The following TRIM9 variants were observed in gnomAD, a reference collection of about 807,000 sequenced individuals.
TRIM9 encodes the protein E3 ubiquitin-protein ligase TRIM9.
Under a neutral mutation model 78.3 loss-of-function variants are expected in TRIM9, and 26 were observed. The observed-to-expected ratio is 0.33, with a 90% CI of 0.24 to 0.46. The LOEUF (loss-of-function observed/expected upper bound fraction) is 0.46, where lower values mean the gene tolerates loss of function less well. Ranked by LOEUF, TRIM9 falls within the 20% of genes least tolerant of loss-of-function variation. The pLI is 1.00. For synonymous variants in TRIM9, 398 were observed against 416.5 expected, an observed-to-expected ratio of 0.96 and a Z score of 0.54; for missense variants, 787 against 1,036.4, an observed-to-expected ratio of 0.76 and a Z score of 3.30.
chr14:51,086,548 C>T (rs1596332726), intron 1 of TRIM9, among the ~76,000 whole-genome samples: 2 of 152,294 alleles, frequency 1.3e-5, no homozygotes, highest in Middle Eastern at 6.8e-3. Context: ...CTTTATCTAA[C>T]TTCTACTAAG....
intron 7 of TRIM9, among the ~76,000 whole-genome samples, chr14:50,987,596 T>G (rs566758492): frequency 6.6e-6 from 1 of 152,322 alleles, no homozygotes; most frequent in East Asian, 1.9e-4. Context: ...CTTAATATCA[T>G]GTATTATCAT....
chr14:50,982,211 C>T, intron 10 of TRIM9, 108 bp from the exon 11 acceptor site: 1 of 1,371,250 alleles, frequency 7.3e-7, no homozygotes, highest in Non-Finnish European at 1.0e-6. Flanking sequence ...TTCATGCTGC[C>T]ATGCAGGAAG....
At chr14:50,999,424 C>T (rs1332671716) in intron 6 of TRIM9, among the ~76,000 whole-genome samples, 1 of 151,926 alleles carries the variant, frequency 6.6e-6, no homozygotes, top group African/African-American at 2.4e-5. Context: ...ACCTGAGGCC[C>T]TTATCTTGGA....
intron 5 of TRIM9, among the ~76,000 whole-genome samples, chr14:51,003,486 T>C (rs2055354382): frequency 6.6e-6 from 1 of 152,232 alleles, no homozygotes; most frequent in African/African-American, 2.4e-5. Flanking sequence ...ACTTAAATCA[T>C]GCAAATGCTT....
chr14:51,002,268 C>T (rs1349165692), intron 5 of TRIM9, among the ~76,000 whole-genome samples: 1 of 150,944 alleles, frequency 6.6e-6, no homozygotes, highest in Non-Finnish European at 1.5e-5. Flanking sequence ...ACTACAGGCC[C>T]CTGCCACCAC....
At chr14:50,986,787 C>T (rs994338604) in intron 7 of TRIM9, among the ~76,000 whole-genome samples, 2 of 152,154 alleles carry the variant, frequency 1.3e-5, no homozygotes, top group Non-Finnish European at 2.9e-5. Context: ...TATGATCAGA[C>T]TCTAGGGATG....
At chr14:51,071,308 G>A (rs1596309121) in intron 1 of TRIM9, among the ~76,000 whole-genome samples, 1 of 151,014 alleles carries the variant, frequency 6.6e-6, no homozygotes, top group East Asian at 2.0e-4. Flanking sequence ...CCCGGGAGGT[G>A]GAGGTTGTGC....
Position 51,094,585 on chromosome 14 carries a change from G to C in TRIM9, c.355C>G (p.Pro119Ala). The C allele has an allele frequency of 6.2e-7, 1 of 1,611,378 alleles. No individual in the cohort carries two copies. Among genetic ancestry groups the C allele is most frequent in the Non-Finnish European group, 8.5e-7 (1 of 1,178,906 alleles). The stretch of plus-strand genomic sequence containing the variant: ...GTGATACAGGAGTTGCGGGGCACCG[G>C]GGCCAGGGCCGGTGACAAGTGGGTG... ...PATHLSPALA[P>A]VPRNSCITCP... The change falls in exon 1 of 13, where the codon CCG (proline) becomes GCG (alanine). Residue 119 changes from proline (P) to alanine (A), a missense_variant. Pro to Ala is a conservative substitution (Grantham distance 27). Coordinates refer to ENST00000684578, the MANE Select transcript of TRIM9 (RefSeq NM_001387360.1).
intron 12 of TRIM9, among the ~76,000 whole-genome samples, chr14:50,978,413 C>T (rs1566535822): frequency 6.6e-6 from 1 of 151,768 alleles, no homozygotes; most frequent in Non-Finnish European, 1.5e-5. Context: ...GCTCTGGTCC[C>T]CCTTCCAGGC....
chr14:51,046,199 T>G (rs61985047), intron 1 of TRIM9, among the ~76,000 whole-genome samples: 29,783 of 151,892 alleles, frequency 0.2, 3,294 homozygotes, highest in Non-Finnish European at 0.25. Context: ...GGGCTAGAGA[T>G]AAGTAGGTGT....
intron 1 of TRIM9, among the ~76,000 whole-genome samples, chr14:51,038,029 T>C (rs1042990641): frequency 7.9e-5 from 12 of 152,188 alleles, no homozygotes; most frequent in African/African-American, 2.9e-4. Flanking sequence ...GTAGGCAAAA[T>C]AATGGTCCTC....
At chr14:51,021,443 T>A (rs1166733853) in intron 3 of TRIM9, among the ~76,000 whole-genome samples, 1 of 152,152 alleles carries the variant, frequency 6.6e-6, no homozygotes, top group Non-Finnish European at 1.5e-5. Context: ...TGGGCACCTC[T>A]CTCCTGGAAG....
At chr14:51,064,862 CATA>C (rs1387703796) in intron 1 of TRIM9, among the ~76,000 whole-genome samples, 2 of 151,984 alleles carry the variant, frequency 1.3e-5, no homozygotes, top group African/African-American at 4.8e-5. Context: ...CATTATAAAT[CATA>C]ATAAATCATA....
At position 51,005,339 on chromosome 14, in the gene TRIM9, G is replaced by A. The variant is rs141369321; in HGVS notation, c.1306+3741C>T. ...AATAAAAATAAATACACCCTTAGGT[G>A]AGTAGAGGCACTTAAGGGGATTAAC... On this transcript the variant is annotated intron_variant, in intron 5 of 12. Coordinates refer to ENST00000684578, the MANE Select transcript of TRIM9 (RefSeq NM_001387360.1). Among the ~76,000 whole-genome samples, 699 of 152,290 alleles carry A rather than the reference G, an allele frequency of 4.6e-3. 10 individuals carry two copies. The highest frequency in any genetic ancestry group is 0.016 in the African/African-American group (660 of 41,550).
intron 1 of TRIM9, among the ~76,000 whole-genome samples, chr14:51,048,946 T>G (rs1432303182): frequency 6.8e-6 from 1 of 147,560 alleles, no homozygotes; most frequent in Non-Finnish European, 1.5e-5. Context: ...ATCGCACCAC[T>G]GCACTCCAGC....
intron 3 of TRIM9, among the ~76,000 whole-genome samples, chr14:51,014,045 AAGGAC>A (rs1252181471): frequency 1.3e-5 from 2 of 152,316 alleles, no homozygotes; most frequent in East Asian, 3.9e-4. Flanking sequence ...TCCGAATAAT[AAGGAC>A]AGATCAAATC....
At chr14:50,996,372 T>G (rs2054204900) in intron 7 of TRIM9, 1 of 985,376 alleles carries the variant, frequency 1.0e-6, no homozygotes. Flanking sequence ...TTATGAACAT[T>G]AAAATAAACT....
At chr14:51,036,237 A>G (rs954456905) in intron 1 of TRIM9, among the ~76,000 whole-genome samples, 1 of 152,256 alleles carries the variant, frequency 6.6e-6, no homozygotes, top group Non-Finnish European at 1.5e-5. Context: ...TCATGTTGGT[A>G]GTGTAAAATC....
At chr14:50,991,046 A>C (rs2053443914) in intron 7 of TRIM9, among the ~76,000 whole-genome samples, 1 of 152,332 alleles carries the variant, frequency 6.6e-6, no homozygotes, top group Middle Eastern at 3.4e-3. Context: ...ATCTGTTTTG[A>C]AAACCTTCTT....
Sources: allele counts gnomAD v4.1 joint callset (sites outside exome capture counted in the v4.1 genomes callset), GRCh38; gene constraint gnomAD v4.1.1; transcripts MANE v1.5; gene names NCBI Gene and HGNC (gene_info 2026-07-23, HGNC 2026-07-21).